The following PTPRG variants were observed in gnomAD, a reference collection of about 807,000 sequenced individuals.
PTPRG encodes protein tyrosine phosphatase receptor type G.
PTPRG carries 102 observed loss-of-function variants against 165.3 expected under a neutral mutation model. That is an observed-to-expected ratio of 0.62 (90% confidence interval 0.53 to 0.73). The LOEUF (loss-of-function observed/expected upper bound fraction) is 0.73, where lower values mean the gene tolerates loss of function less well. PTPRG is among the 30% of genes least tolerant of loss of function. PTPRG has a pLI of 0.00. For missense variants in PTPRG, 1,866 were observed against 1,861.4 expected, an observed-to-expected ratio of 1.00 and a Z score of -0.05; for synonymous variants, 675 against 669.5, an observed-to-expected ratio of 1.01 and a Z score of -0.13.
intron 2 of PTPRG, among the ~76,000 whole-genome samples, chr3:61,967,563 T>C (rs1448525971): frequency 6.6e-6 from 1 of 152,178 alleles, no homozygotes; most frequent in Non-Finnish European, 1.5e-5. Context: ...TTCATTCCCT[T>C]ACTGGGAAGG....
intron 1 of PTPRG, among the ~76,000 whole-genome samples, chr3:61,717,324 C>A (rs1242801261): frequency 1.3e-5 from 2 of 152,132 alleles, no homozygotes; most frequent in African/African-American, 4.8e-5. Flanking sequence ...GTTATTATTC[C>A]CATTTTACAG....
chr3:62,186,643 G>T (rs969933284), intron 8 of PTPRG, among the ~76,000 whole-genome samples: 5 of 144,922 alleles, frequency 3.5e-5, no homozygotes, highest in Non-Finnish European at 3.0e-5. Flanking sequence ...CAAAGCTCAC[G>T]GCAACCTTCA....
At chr3:61,740,321 A>AT (rs1326459028) in intron 1 of PTPRG, among the ~76,000 whole-genome samples, 1 of 152,126 alleles carries the variant, frequency 6.6e-6, no homozygotes, top group Non-Finnish European at 1.5e-5. Context: ...GTGAGCCCAA[A>AT]TTTTTTTAGG....
At chr3:61,873,977 C>T (rs1448461399) in intron 2 of PTPRG, among the ~76,000 whole-genome samples, 1 of 152,068 alleles carries the variant, frequency 6.6e-6, no homozygotes, top group Non-Finnish European at 1.5e-5. Flanking sequence ...AAGTACTGGA[C>T]AGTGTTTGAC....
intron 6 of PTPRG, among the ~76,000 whole-genome samples, chr3:62,155,395 G>A (rs1476086516): frequency 2.0e-5 from 3 of 152,184 alleles, no homozygotes; most frequent in Admixed American, 1.3e-4. Flanking sequence ...AACTAAGAGA[G>A]CATAGTGATG....
chr3:61,702,099 C>G (rs910783857), intron 1 of PTPRG, among the ~76,000 whole-genome samples: 1 of 152,146 alleles, frequency 6.6e-6, no homozygotes, highest in African/African-American at 2.4e-5. Flanking sequence ...CTGCCTCAGC[C>G]TCTGGGGTAG....
rs577025177 is a variant in PTPRG at position 61,627,053 on chromosome 3, C to G, written c.85+64681C>G. On this transcript the variant is annotated intron_variant, in intron 1 of 29. Coordinates refer to ENST00000474889, the MANE Select transcript of PTPRG (RefSeq NM_002841.4). ...AAAGAGACTTGAGAGACCTGTCACC[C>G]AAATGCAGTGTGTGGACTTTGAATT... Among the ~76,000 whole-genome samples the G allele has an allele frequency of 3.4e-4, 51 of 152,096 alleles. No homozygotes were observed. In the South Asian group the frequency reaches 0.01, roughly 31 times the overall value.
chr3:61,835,781 G>A (rs533278086), intron 2 of PTPRG, among the ~76,000 whole-genome samples: 1 of 151,430 alleles, frequency 6.6e-6, no homozygotes, highest in East Asian at 2.0e-4. Flanking sequence ...GCTCACACCT[G>A]TAATCCCAGC....
intron 1 of PTPRG, among the ~76,000 whole-genome samples, chr3:61,727,200 T>C (rs1243666427): frequency 1.3e-5 from 2 of 151,772 alleles, no homozygotes; most frequent in Admixed American, 1.3e-4. Context: ...CATTGTAGTG[T>C]AAAATCATAA....
At chr3:62,209,667 T>A (rs1305160286) in intron 12 of PTPRG, among the ~76,000 whole-genome samples, 2 of 152,216 alleles carry the variant, frequency 1.3e-5, no homozygotes, top group Non-Finnish European at 2.9e-5. Flanking sequence ...TGGTCTGTCA[T>A]CTTCCTGGCA....
At chr3:62,130,603 G>A (rs1039902698) in intron 5 of PTPRG, among the ~76,000 whole-genome samples, 1 of 152,120 alleles carries the variant, frequency 6.6e-6, no homozygotes, top group African/African-American at 2.4e-5. Flanking sequence ...CTTCAATTTG[G>A]TATGGAATCA....
At chr3:61,970,512 T>G (rs2040359527) in intron 2 of PTPRG, among the ~76,000 whole-genome samples, 1 of 152,230 alleles carries the variant, frequency 6.6e-6, no homozygotes, top group South Asian at 2.1e-4. Context: ...ATATTCAATA[T>G]GTGTTTTGCT....
intron 2 of PTPRG, among the ~76,000 whole-genome samples, chr3:61,795,292 G>A (rs1318224961): frequency 1.3e-5 from 2 of 152,066 alleles, no homozygotes; most frequent in Non-Finnish European, 2.9e-5. Context: ...AGCACAGGCT[G>A]GTGAAGGTCA....
intron 28 of PTPRG, among the ~76,000 whole-genome samples, chr3:62,289,702 C>CT (rs922247507): frequency 7.3e-6 from 1 of 136,372 alleles, no homozygotes; most frequent in East Asian, 2.3e-4. Context: ...TCATGATCCC[C>CT]CCCCCCCAAA....
At chr3:62,045,986 G>C (rs1331850169) in intron 4 of PTPRG, among the ~76,000 whole-genome samples, 1 of 152,172 alleles carries the variant, frequency 6.6e-6, no homozygotes, top group Non-Finnish European at 1.5e-5. Context: ...TCATCTATAG[G>C]AGGTGGTTGA....
intron 1 of PTPRG, among the ~76,000 whole-genome samples, chr3:61,671,919 C>G (rs1319172508): frequency 6.9e-6 from 1 of 144,984 alleles, no homozygotes; most frequent in South Asian, 2.2e-4. Flanking sequence ...ACCTCCCTCC[C>G]GGACGAGGTG....
rs1576158737 is a variant in PTPRG, at chr3:62,228,204, G to C, written c.2289-3021G>C. Among the ~76,000 whole-genome samples the C allele has an allele frequency of 6.6e-6, 1 of 152,260 alleles. No homozygotes were observed. The highest frequency in any genetic ancestry group is 2.1e-4 in the South Asian group (1 of 4,820). ...AGAAGGATTTCTCGGAGGAGAGAATGTTTGGACTGTATTTTTTACAAAACA... is the reference window on the plus strand; with the variant it reads ...AGAAGGATTTCTCGGAGGAGAGAATCTTTGGACTGTATTTTTTACAAAACA... On this transcript the variant is annotated intron_variant, in intron 13 of 29. Transcript: ENST00000474889. The surrounding 1 kb of genome is among the most constrained non-coding windows in gnomAD (Gnocchi z 4.1).
At chr3:61,749,363 C>T (rs901636297) in intron 2 of PTPRG, 1 of 349,300 alleles carries the variant, frequency 2.9e-6, no homozygotes, top group East Asian at 7.9e-5. Flanking sequence ...CTAAACATTA[C>T]AAACATCACA....
At chr3:61,568,784 T>A (rs1203937584) in intron 1 of PTPRG, among the ~76,000 whole-genome samples, 1 of 152,004 alleles carries the variant, frequency 6.6e-6, no homozygotes, top group African/African-American at 2.4e-5. Context: ...GGTGCACACC[T>A]GTAGTCCCAG....
Sources: allele counts gnomAD v4.1 joint callset (sites outside exome capture counted in the v4.1 genomes callset), GRCh38; gene constraint gnomAD v4.1.1; non-coding constraint Gnocchi (gnomAD v3.1); transcripts MANE v1.5; gene names NCBI Gene and HGNC (gene_info 2026-07-23, HGNC 2026-07-21).